The following GUCY1A2 variants were observed in gnomAD, a reference collection of about 807,000 sequenced individuals.
The protein encoded by GUCY1A2 is guanylate cyclase 1 soluble subunit alpha 2.
In GUCY1A2, 27 loss-of-function variants were observed where a neutral mutation model predicts 63.5. The ratio of observed to expected loss-of-function variants is 0.43; its 90% CI spans 0.31 to 0.59. The LOEUF (loss-of-function observed/expected upper bound fraction) is 0.59. Among genes scored for constraint, GUCY1A2 ranks in the 20% least tolerant of loss-of-function variants. GUCY1A2 has a pLI of 0.11. For synonymous variants in GUCY1A2, 364 were observed against 343.5 expected, an observed-to-expected ratio of 1.06 and a Z score of -0.66; for missense variants, 768 against 913.3, an observed-to-expected ratio of 0.84 and a Z score of 2.05.
intron 1 of GUCY1A2, among the ~76,000 whole-genome samples, chr11:107,017,231 T>A (rs945016506): frequency 6.6e-6 from 1 of 152,022 alleles, no homozygotes; most frequent in Non-Finnish European, 1.5e-5. Context: ...GGATGCAACA[T>A]AGAATGCAGA....
intron 2 of GUCY1A2, among the ~76,000 whole-genome samples, chr11:106,982,964 T>C (rs1255163846): frequency 6.6e-6 from 1 of 152,178 alleles, no homozygotes; most frequent in Non-Finnish European, 1.5e-5. Flanking sequence ...TTGACAGAAA[T>C]GCCAGTTTCT....
At chr11:106,928,410 G>A (rs1206063328) in intron 4 of GUCY1A2, among the ~76,000 whole-genome samples, 1 of 151,630 alleles carries the variant, frequency 6.6e-6, no homozygotes, top group Non-Finnish European at 1.5e-5. Context: ...CCTTCAAAAA[G>A]CAAGAGTTTT....
chr11:106,776,434 G>T lies in GUCY1A2; in HGVS notation c.1836+5C>A. On this transcript the variant is annotated splice_donor_5th_base_variant and intron_variant, in intron 6 of 7. Coordinates refer to ENST00000526355, the MANE Select transcript of GUCY1A2 (RefSeq NM_000855.3). ...CTACTCAAACTAGATTGTTGGGAGG[G>T]TTACCTGAATCGGTCTTCCATCAGG... is the stretch of plus-strand genomic sequence containing the variant. 6.2e-7 allele frequency: 1 copy of T among 1,603,010 alleles called. No individual in the cohort carries two copies. Among genetic ancestry groups the T allele is most frequent in the Non-Finnish European group, 8.5e-7 (1 of 1,171,172 alleles).
intron 4 of GUCY1A2, among the ~76,000 whole-genome samples, chr11:106,879,371 A>T (rs1859793757): frequency 6.6e-6 from 1 of 152,128 alleles, no homozygotes; most frequent in South Asian, 2.1e-4. Context: ...GTACTCAAAA[A>T]ACTAAAGGAA....
At chr11:106,809,001 A>C (rs1184812477) in intron 5 of GUCY1A2, among the ~76,000 whole-genome samples, 1 of 152,144 alleles carries the variant, frequency 6.6e-6, no homozygotes, top group Non-Finnish European at 1.5e-5. Flanking sequence ...AAAATATTTA[A>C]CATTGGCTAC....
chr11:106,770,563 C>T (rs7928564), intron 6 of GUCY1A2, among the ~76,000 whole-genome samples: 2 of 151,918 alleles, frequency 1.3e-5, no homozygotes, highest in East Asian at 3.9e-4. Flanking sequence ...CAGGTTTCCT[C>T]TGGAAATAGC....
intron 5 of GUCY1A2, among the ~76,000 whole-genome samples, chr11:106,787,700 C>T (rs1379159865): frequency 2.0e-5 from 3 of 149,898 alleles, no homozygotes; most frequent in Non-Finnish European, 4.4e-5. Context: ...TCCATCTTAT[C>T]GCAAATGACA....
chr11:106,765,294 T>G (rs1175936249), intron 6 of GUCY1A2, among the ~76,000 whole-genome samples: 1 of 152,104 alleles, frequency 6.6e-6, no homozygotes, highest in African/African-American at 2.4e-5. Flanking sequence ...AATGACATCC[T>G]GAATATTTGC....
rs574720745 is a variant in GUCY1A2, at chr11:106,720,839, T to C, written c.1837-12173A>G. Among the ~76,000 whole-genome samples the C allele has an allele frequency of 2.6e-5, 4 of 152,220 alleles. No individual in the cohort carries two copies. In the East Asian group the frequency reaches 7.7e-4, roughly 29 times the overall value. ...ACATTAGGGGAAAATTAAGAAAATA[T>C]GAATAAATTGTAGACTTTAGCTAAT... On this transcript the variant is annotated intron_variant, in intron 6 of 7. Transcript: ENST00000526355.
chr11:106,792,821 C>A (rs1012271862), intron 5 of GUCY1A2, among the ~76,000 whole-genome samples: 1 of 152,188 alleles, frequency 6.6e-6, no homozygotes, highest in African/African-American at 2.4e-5. Flanking sequence ...AAATTAATTT[C>A]ATCAAGGATG....
At chr11:106,958,132 A>G (rs912557061) in intron 3 of GUCY1A2, among the ~76,000 whole-genome samples, 1 of 152,176 alleles carries the variant, frequency 6.6e-6, no homozygotes, top group Non-Finnish European at 1.5e-5. Flanking sequence ...ATACTTCTAT[A>G]CTTCTGGAAG....
Position 106,757,821 on chromosome 11 carries a change from C to CA in GUCY1A2, c.1836+18617dup, listed in dbSNP as rs1170648814. 2.0e-5 allele frequency among the ~76,000 whole-genome samples: 3 copies of CA among 152,334 alleles called. No homozygotes were observed. In the East Asian group the frequency reaches 5.8e-4, roughly 29 times the overall value. On this transcript the variant is annotated intron_variant, in intron 6 of 7. Coordinates refer to ENST00000526355, the MANE Select transcript of GUCY1A2 (RefSeq NM_000855.3). ...TGGGAGATGTCTCCCAGTTAGGCTA[C>CA]ATGGGGGTCATGGACCCACTTGAGG...
At chr11:106,777,226 G>A (rs536988145) in intron 5 of GUCY1A2, among the ~76,000 whole-genome samples, 9 of 152,098 alleles carry the variant, frequency 5.9e-5, no homozygotes, top group Non-Finnish European at 1.0e-4. Context: ...TTGAGGCAGC[G>A]GATCACGAGG....
At chr11:106,827,770 C>T (rs537018434) in intron 4 of GUCY1A2, 27 of 1,533,610 alleles carry the variant, frequency 1.8e-5, no homozygotes, top group Admixed American at 6.7e-5. Flanking sequence ...GAAGCTGTTA[C>T]CAAGAGAATA....
chr11:106,706,219 A>G (rs1363053308), intron 7 of GUCY1A2, among the ~76,000 whole-genome samples: 2 of 152,206 alleles, frequency 1.3e-5, no homozygotes, highest in Non-Finnish European at 2.9e-5. Flanking sequence ...AATGTTGGAC[A>G]TTCTACAGAA....
Position 106,964,169 on chromosome 11 carries a change from A to G in GUCY1A2, c.487+14450T>C, listed in dbSNP as rs771721436. Among the ~76,000 whole-genome samples the G allele has an allele frequency of 9.2e-5, 14 of 152,076 alleles. No homozygotes were observed. In the East Asian group the frequency reaches 2.7e-3, roughly 29 times the overall value. ...CACTTTGACACAATACTATCTTCTAACCCACAATCTATATTCAAATTTTGC... is the reference window on the plus strand; with the variant it reads ...CACTTTGACACAATACTATCTTCTAGCCCACAATCTATATTCAAATTTTGC... On this transcript the variant is annotated intron_variant, in intron 3 of 7. Coordinates refer to ENST00000526355, the MANE Select transcript of GUCY1A2 (RefSeq NM_000855.3).
At chr11:106,701,366 T>A (rs959431086) in intron 7 of GUCY1A2, among the ~76,000 whole-genome samples, 3 of 152,036 alleles carry the variant, frequency 2.0e-5, no homozygotes, top group African/African-American at 7.2e-5. Flanking sequence ...AGAAATAATA[T>A]CCTTCCTTTT....
intron 6 of GUCY1A2, among the ~76,000 whole-genome samples, chr11:106,748,163 A>C (rs1345398980): frequency 2.0e-5 from 3 of 152,222 alleles, no homozygotes; most frequent in African/African-American, 4.8e-5. Context: ...ACACCTTCAG[A>C]GCATAAAAAT....
chr11:106,901,102 T>C (rs904625090), intron 4 of GUCY1A2, among the ~76,000 whole-genome samples: 1 of 152,226 alleles, frequency 6.6e-6, no homozygotes, highest in Admixed American at 6.5e-5. Flanking sequence ...TCTCAAACCC[T>C]GCTGCTGCCC....
Sources: allele counts gnomAD v4.1 joint callset (sites outside exome capture counted in the v4.1 genomes callset), GRCh38; gene constraint gnomAD v4.1.1; transcripts MANE v1.5; gene names NCBI Gene and HGNC (gene_info 2026-07-23, HGNC 2026-07-21).